Variants in CDH7 observed in about 807,000 individuals in gnomAD.
The protein encoded by CDH7 is cadherin 7, also known as cadherin-7.
CDH7 carries 25 observed loss-of-function variants against 71.8 expected under a neutral mutation model. The observed-to-expected ratio is 0.35, with a 90% CI of 0.25 to 0.49. The LOEUF is 0.49. Ranked by LOEUF, CDH7 falls within the 20% of genes least tolerant of loss-of-function variation. The pLI, the probability that CDH7 is intolerant of heterozygous loss-of-function variation, is 0.99. For missense variants in CDH7, 862 were observed against 974.6 expected, an observed-to-expected ratio of 0.88 and a Z score of 1.54; for synonymous variants, 381 against 363.8, an observed-to-expected ratio of 1.05 and a Z score of -0.54.
chr18:65,855,870 A>C (rs1913335810), intron 7 of CDH7, among the ~76,000 whole-genome samples: 1 of 152,240 alleles, frequency 6.6e-6, no homozygotes, highest in Non-Finnish European at 1.5e-5. Context: ...AATATAGAAA[A>C]GAATAATTCA....
intron 2 of CDH7, among the ~76,000 whole-genome samples, chr18:65,797,774 A>G (rs1302605522): frequency 1.3e-5 from 2 of 152,184 alleles, no homozygotes; most frequent in Admixed American, 6.5e-5. Context: ...TTCTGCAGAC[A>G]TGCTTATTTT....
At chr18:65,778,271 C>CAAAAAAAA (rs148841669) in intron 2 of CDH7, among the ~76,000 whole-genome samples, 2 of 84,330 alleles carry the variant, frequency 2.4e-5, no homozygotes, top group African/African-American at 3.4e-5. Flanking sequence ...GACTCTGTCT[C>CAAAAAAAA]AAAAAAAAAA....
intron 2 of CDH7, among the ~76,000 whole-genome samples, chr18:65,766,046 G>C (rs1916354212): frequency 6.6e-6 from 1 of 152,004 alleles, no homozygotes; most frequent in South Asian, 2.1e-4. Flanking sequence ...TGTTATCTGT[G>C]TGATTCCTCA....
intron 2 of CDH7, among the ~76,000 whole-genome samples, chr18:65,792,763 T>C (rs1260155321): frequency 6.6e-6 from 1 of 152,144 alleles, no homozygotes; most frequent in Non-Finnish European, 1.5e-5. Context: ...CTGATTCTGT[T>C]AGGCCTGCAA....
At position 65,857,761 on chromosome 18, in the gene CDH7, A is replaced by C. The variant is rs946728051; in HGVS notation, c.1236-55A>C. The C allele has an allele frequency of 3.2e-6, 5 of 1,560,046 alleles. No individual in the cohort carries two copies. In the African/African-American group the frequency reaches 6.8e-5, roughly 21 times the overall value. On this transcript the variant is annotated intron_variant, in intron 7 of 11. Coordinates refer to ENST00000397968, the MANE Select transcript of CDH7 (RefSeq NM_004361.5). ...CACAAATAATGAAATAGTTTCAGCA[A>C]ATTATAATCAAACGTACATGTTGAA...
intron 4 of CDH7, among the ~76,000 whole-genome samples, chr18:65,820,789 T>C (rs963100943): frequency 1.3e-5 from 2 of 152,092 alleles, no homozygotes; most frequent in South Asian, 4.1e-4. Context: ...CGATGCTATA[T>C]GTCCTTTCAA....
chr18:65,886,348 C>G lies in CDH7; in HGVS notation c.*5454C>G, dbSNP rs1297979532. 6.6e-6 allele frequency: 1 copy of G among 151,980 alleles called. No individual in the cohort carries two copies. Among genetic ancestry groups the G allele is most frequent in the Non-Finnish European group, 1.5e-5 (1 of 68,000 alleles). The allele number at this position is 151,980 out of a possible 1,614,324, so 9.4% of individuals were successfully genotyped here. ...AGGAAAAATATATGCAACTTGGTAT[C>G]CTAAATTGGAAAATAATATTCAAAT... On this transcript the variant is annotated 3_prime_UTR_variant, in exon 12 of 12. Coordinates refer to ENST00000397968, the MANE Select transcript of CDH7 (RefSeq NM_004361.5).
chr18:65,830,525 CCTTCCTTT>C (rs1326837646), intron 6 of CDH7, among the ~76,000 whole-genome samples: 71 of 150,784 alleles, frequency 4.7e-4, no homozygotes, highest in African/African-American at 1.6e-3. Flanking sequence ...TTCCTCCCTT[CCTTCCTTT>C]CTTCCTCCCT....
rs1914218211 is a variant in CDH7, at chr18:65,881,113, T to G, written c.*219T>G. 4 of 424,786 alleles carry G rather than the reference T, an allele frequency of 9.4e-6. No homozygotes were observed. The Admixed American group carries it at 1.6e-4, about 17-fold the overall frequency. The allele number at this position is 424,786 out of a possible 1,614,324, so 26.3% of individuals were successfully genotyped here. A position where few individuals can be genotyped will look rare whatever the true frequency, so the allele number is the denominator to read the frequency against. On this transcript the variant is annotated 3_prime_UTR_variant, in exon 12 of 12. Coordinates refer to ENST00000397968, the MANE Select transcript of CDH7 (RefSeq NM_004361.5). ...CTAAAGGACTGCACTGACCACAGAC[T>G]CTGAGCATTTGAAGGTTTTTTGATA...
chr18:65,802,552 G>T (rs571227560), intron 2 of CDH7, among the ~76,000 whole-genome samples: 1 of 152,254 alleles, frequency 6.6e-6, no homozygotes, highest in African/African-American at 2.4e-5. Context: ...AAAGAGCTTA[G>T]CCTCTCCAGG....
chr18:65,762,009 G>T (rs1461159086), intron 1 of CDH7, among the ~76,000 whole-genome samples: 2 of 152,128 alleles, frequency 1.3e-5, no homozygotes, highest in Non-Finnish European at 2.9e-5. Flanking sequence ...AACCTAACAT[G>T]CTACACAGCA....
intron 5 of CDH7, among the ~76,000 whole-genome samples, chr18:65,823,650 AAAAC>A (rs1912019256): frequency 6.6e-6 from 1 of 151,980 alleles, no homozygotes; most frequent in South Asian, 2.1e-4. Flanking sequence ...AATCATTTAA[AAAAC>A]AAACAGTAAC....
intron 6 of CDH7, among the ~76,000 whole-genome samples, chr18:65,832,937 A>G (rs1912402998): frequency 1.3e-5 from 2 of 152,292 alleles, no homozygotes; most frequent in African/African-American, 4.8e-5. Flanking sequence ...GAGTAAAAAA[A>G]ATGAGCATTT....
chr18:65,781,902 A>C (rs765744398), intron 2 of CDH7, among the ~76,000 whole-genome samples: 1,462 of 20,044 alleles, frequency 0.073, 21 homozygotes, highest in Middle Eastern at 0.14. Flanking sequence ...CTTTCTCTCT[A>C]TCTTTCTCTC....
intron 7 of CDH7, among the ~76,000 whole-genome samples, chr18:65,845,883 T>C (rs961020375): frequency 6.6e-6 from 1 of 151,936 alleles, no homozygotes; most frequent in East Asian, 1.9e-4. Context: ...CAATTGCACT[T>C]GTAAATAACC....
intron 6 of CDH7, among the ~76,000 whole-genome samples, chr18:65,835,815 G>A (rs140375851): frequency 1.2e-4 from 18 of 152,274 alleles, no homozygotes; most frequent in African/African-American, 4.1e-4. Flanking sequence ...ACACAATAAT[G>A]CCTCCTCCTC....
chr18:65,871,987 AAAGCC>A (rs140523171), intron 11 of CDH7, among the ~76,000 whole-genome samples: 7,494 of 152,164 alleles, frequency 0.049, 587 homozygotes, highest in African/African-American at 0.17. Context: ...TGTGGGGTGA[AAAGCC>A]AAGAAACCGA....
chr18:65,775,783 A>G (rs1330696485), intron 2 of CDH7, among the ~76,000 whole-genome samples: 1 of 152,166 alleles, frequency 6.6e-6, no homozygotes, highest in Non-Finnish European at 1.5e-5. Context: ...GTCTAAGGAA[A>G]AAACAAGGAA....
At chr18:65,846,885 C>T (rs1299237132) in intron 7 of CDH7, among the ~76,000 whole-genome samples, 3 of 152,064 alleles carry the variant, frequency 2.0e-5, no homozygotes, top group Non-Finnish European at 4.4e-5. Flanking sequence ...TGAATATTAC[C>T]ATGTATTATC....
Sources: gnomAD v4.1 joint callset for allele counts (sites outside exome capture counted in the v4.1 genomes callset) on GRCh38, gnomAD v4.1.1 for gene constraint, MANE v1.5 for transcripts, NCBI Gene and HGNC (gene_info 2026-07-23, HGNC 2026-07-21) for gene names.